Variants in TENM4 observed in about 807,000 individuals in gnomAD.
TENM4 encodes the protein teneurin transmembrane protein 4, also known as teneurin-4.
TENM4 carries 82 observed loss-of-function variants against 243.3 expected under a neutral mutation model. The ratio of observed to expected loss-of-function variants is 0.34; its 90% confidence interval spans 0.28 to 0.40. The LOEUF (loss-of-function observed/expected upper bound fraction) is 0.40. Among genes scored for constraint, TENM4 ranks in the 10% least tolerant of loss-of-function variants. The probability of loss-of-function intolerance (pLI) is 1.00; values close to 1 mark genes in which losing one functional copy is unlikely to be tolerated. For synonymous variants in TENM4, 1,412 were observed against 1,456.3 expected (o/e 0.97, Z 0.69); for missense variants, 3,138 against 3,673.3 (o/e 0.85, Z 3.77).
Position 78,695,322 on chromosome 11 carries a change from T to C in TENM4, c.5087+6204A>G, listed in dbSNP as rs548583460. Among the ~76,000 whole-genome samples the C allele has an allele frequency of 1.2e-3, 188 of 152,114 alleles. 4 individuals are homozygous for C. The highest frequency in any genetic ancestry group is 4.3e-4 in the Non-Finnish European group (29 of 68,004). ...TATACCTCTATAACATGTCTTCATT[T>C]GAAAGATATTTTTATTGAGTATAAT... On this transcript the variant is annotated intron_variant, in intron 28 of 33. Coordinates refer to ENST00000278550, the MANE Select transcript of TENM4 (RefSeq NM_001098816.3).
intron 2 of TENM4, among the ~76,000 whole-genome samples, chr11:79,262,548 G>T (rs968881983): frequency 6.6e-6 from 1 of 152,308 alleles, no homozygotes; most frequent in African/African-American, 2.4e-5. Flanking sequence ...AGTCTTTGAA[G>T]ATCCGTCTCT....
intron 12 of TENM4, among the ~76,000 whole-genome samples, chr11:78,833,273 C>T (rs1858023639): frequency 6.6e-6 from 1 of 152,180 alleles, no homozygotes; most frequent in South Asian, 2.1e-4. Context: ...CTATTTCTTC[C>T]AGAATTCACT....
intron 6 of TENM4, among the ~76,000 whole-genome samples, chr11:78,982,147 T>A (rs896602639): frequency 6.6e-6 from 1 of 152,136 alleles, no homozygotes; most frequent in Non-Finnish European, 1.5e-5. Flanking sequence ...ATCCTCAGTC[T>A]CCCTCCAAGG....
rs78081005 is a variant in TENM4, at chr11:78,675,214, C to T, written c.5496+938G>A. Among the ~76,000 whole-genome samples the T allele has an allele frequency of 6.7e-3, 1,027 of 152,240 alleles. 7 individuals are homozygous for T. The highest frequency in any genetic ancestry group is 0.017 in the Middle Eastern group (5 of 294). On this transcript the variant is annotated intron_variant, in intron 30 of 33. Transcript: ENST00000278550. ...CCTCGCTATGAGACTCTGGAAAAAT[C>T]GTTTACCCTCTCTGGATCTCGATTG...
intron 6 of TENM4, among the ~76,000 whole-genome samples, chr11:79,018,462 A>C (rs989594293): frequency 6.6e-6 from 1 of 152,092 alleles, no homozygotes; most frequent in African/African-American, 2.4e-5. Flanking sequence ...GCACACACAC[A>C]CACACATCCC....
intron 15 of TENM4, among the ~76,000 whole-genome samples, chr11:78,791,443 C>G (rs532963837): frequency 2.5e-4 from 38 of 152,180 alleles, no homozygotes; most frequent in Admixed American, 8.5e-4. Context: ...GTTACAGCTC[C>G]TCTCCTAGTC....
At position 78,804,789 on chromosome 11, in the gene TENM4, T is replaced by G. The variant is rs779500138; in HGVS notation, c.2179+503A>C. Reference sequence around the variant, plus strand: ...ACATGTTTGCTACCCTCATGGAGCTTAGTGACTAACAGAGCATTTGGCTAG... The same window carrying G: ...ACATGTTTGCTACCCTCATGGAGCTGAGTGACTAACAGAGCATTTGGCTAG... On this transcript the variant is annotated intron_variant, in intron 15 of 33. Coordinates refer to ENST00000278550, the MANE Select transcript of TENM4 (RefSeq NM_001098816.3). Among the ~76,000 whole-genome samples the G allele has an allele frequency of 3.7e-4, 57 of 152,268 alleles. 1 individual carries two copies. The Middle Eastern group carries it at 0.017, about 45-fold the overall frequency.
intron 4 of TENM4, among the ~76,000 whole-genome samples, chr11:79,089,915 A>G (rs1219974399): frequency 6.6e-6 from 1 of 152,196 alleles, no homozygotes; most frequent in Non-Finnish European, 1.5e-5. Flanking sequence ...AGCACTTCTT[A>G]AGGGAGCTGA....
intron 4 of TENM4, among the ~76,000 whole-genome samples, chr11:79,129,845 G>A (rs1260042433): frequency 1.3e-5 from 2 of 152,108 alleles, no homozygotes; most frequent in Non-Finnish European, 2.9e-5. Flanking sequence ...GGGAGTTCTA[G>A]AGCCCCACCC....
At chr11:79,129,533 G>C (rs960524295) in intron 4 of TENM4, among the ~76,000 whole-genome samples, 10 of 152,134 alleles carry the variant, frequency 6.6e-5, no homozygotes, top group Admixed American at 5.2e-4. Context: ...CTGTTTGTTG[G>C]GGGGTAGGGA....
chr11:79,091,330 T>G (rs1860944257), intron 4 of TENM4, among the ~76,000 whole-genome samples: 2 of 152,208 alleles, frequency 1.3e-5, no homozygotes, highest in African/African-American at 4.8e-5. Context: ...AAGTCCGTCA[T>G]AAATGGCTAA....
At chr11:78,981,632 G>C (rs1857797246) in intron 6 of TENM4, among the ~76,000 whole-genome samples, 1 of 152,216 alleles carries the variant, frequency 6.6e-6, no homozygotes. Context: ...TGTAGCAGTG[G>C]AAGCCAAGAA....
At chr11:79,188,503 G>A (rs540255408) in intron 3 of TENM4, among the ~76,000 whole-genome samples, 1 of 151,838 alleles carries the variant, frequency 6.6e-6, no homozygotes, top group African/African-American at 2.4e-5. Context: ...GTGAGGAAAA[G>A]GGAAAAGAGA....
At chr11:78,982,339 A>G (rs1188089502) in intron 6 of TENM4, among the ~76,000 whole-genome samples, 1 of 151,994 alleles carries the variant, frequency 6.6e-6, no homozygotes. Flanking sequence ...CTCCAGGTCC[A>G]CTCGCGGCTG....
chr11:79,072,524 C>T (rs1860440463), intron 4 of TENM4, among the ~76,000 whole-genome samples: 2 of 152,008 alleles, frequency 1.3e-5, no homozygotes, highest in South Asian at 4.2e-4. Flanking sequence ...CATAATGACC[C>T]ACTACACACA....
chr11:78,912,996 CA>C (rs1379256920), intron 6 of TENM4, among the ~76,000 whole-genome samples: 1 of 152,170 alleles, frequency 6.6e-6, no homozygotes, highest in Non-Finnish European at 1.5e-5. Flanking sequence ...CCCGTTTCCC[CA>C]ATTGACAAAC....
chr11:79,138,866 C>CTATATAAATATATAAAATATATA, intron 4 of TENM4, among the ~76,000 whole-genome samples: 1 of 93,130 alleles, frequency 1.1e-5, no homozygotes, highest in Admixed American at 1.3e-4. Context: ...CAAAATATAC[C>CTATATAAATATATAAAATATATA]TTATATTTAT....
intron 12 of TENM4, 112 bp downstream of exon 12, chr11:78,853,992 G>C: frequency 9.2e-7 from 1 of 1,086,410 alleles, no homozygotes; most frequent in Non-Finnish European, 1.3e-6. Flanking sequence ...CAAGCTCCAG[G>C]GCCATCCACA....
chr11:79,346,509 C>A (rs1293414162), intron 1 of TENM4, among the ~76,000 whole-genome samples: 1 of 152,084 alleles, frequency 6.6e-6, no homozygotes, highest in Non-Finnish European at 1.5e-5. Flanking sequence ...CTGCTTCAAC[C>A]CCCACCTCCC....
Sources: gnomAD v4.1 joint callset for allele counts (sites outside exome capture counted in the v4.1 genomes callset) on GRCh38, gnomAD v4.1.1 for gene constraint, MANE v1.5 for transcripts, NCBI Gene and HGNC (gene_info 2026-07-23, HGNC 2026-07-21) for gene names.